The following PDE11A variants were observed in gnomAD, a reference collection of about 807,000 sequenced individuals.
PDE11A encodes phosphodiesterase 11A, also known as dual 3',5'-cyclic-AMP and -GMP phosphodiesterase 11A.
A neutral mutation model predicts 100.5 loss-of-function variants in PDE11A; 100 were observed. That is an observed-to-expected ratio of 1.00 (90% confidence interval 0.85 to 1.18). The LOEUF is 1.18. Ranked by LOEUF, PDE11A falls within the 50% of genes most tolerant of loss-of-function variation. The pLI is 0.00. For missense variants in PDE11A, 1,141 were observed against 1,152.6 expected, an observed-to-expected ratio of 0.99 and a Z score of 0.15; for synonymous variants, 381 against 420.8, an observed-to-expected ratio of 0.91 and a Z score of 1.16.
intron 4 of PDE11A, among the ~76,000 whole-genome samples, chr2:177,889,179 A>G (rs2084488711): frequency 6.6e-6 from 1 of 152,190 alleles, no homozygotes; most frequent in Non-Finnish European, 1.5e-5. Context: ...TTTTGGATTT[A>G]AAATTATAGG....
At chr2:177,765,134 TC>T (rs2082220504) in intron 10 of PDE11A, among the ~76,000 whole-genome samples, 1 of 152,162 alleles carries the variant, frequency 6.6e-6, no homozygotes, top group Admixed American at 6.5e-5. Flanking sequence ...AGGAAATTTT[TC>T]CCAACAGAAG....
chr2:178,059,912 A>G (rs2086946182), intron 1 of PDE11A, among the ~76,000 whole-genome samples: 1 of 152,098 alleles, frequency 6.6e-6, no homozygotes, highest in Admixed American at 6.5e-5. Context: ...GCTGGGGCCC[A>G]CTCTGGGTCA....
intron 1 of PDE11A, among the ~76,000 whole-genome samples, chr2:178,021,515 A>T (rs1320125163): frequency 6.6e-6 from 1 of 152,214 alleles, no homozygotes; most frequent in Non-Finnish European, 1.5e-5. Flanking sequence ...AATGAATTAT[A>T]GTAGATGAAG....
At chr2:177,934,772 G>GAT (rs1390215245) in intron 2 of PDE11A, among the ~76,000 whole-genome samples, 1 of 152,202 alleles carries the variant, frequency 6.6e-6, no homozygotes, top group Non-Finnish European at 1.5e-5. Flanking sequence ...AAGAAAATGT[G>GAT]ATATATATAC....
intron 2 of PDE11A, among the ~76,000 whole-genome samples, chr2:177,913,432 A>G (rs980150571): frequency 1.3e-5 from 2 of 152,182 alleles, no homozygotes; most frequent in African/African-American, 4.8e-5. Flanking sequence ...ATCCTTAACA[A>G]TATAAACACA....
chr2:177,701,595 T>C (rs995925624), intron 13 of PDE11A, among the ~76,000 whole-genome samples: 1 of 152,178 alleles, frequency 6.6e-6, no homozygotes, highest in African/African-American at 2.4e-5. Flanking sequence ...ATCGAAGTGC[T>C]ATGGACGTTC....
At chr2:177,990,054 G>A (rs115635192) in intron 2 of PDE11A, among the ~76,000 whole-genome samples, 1,850 of 152,214 alleles carry the variant, frequency 0.012, 30 homozygotes, top group African/African-American at 0.042. Flanking sequence ...ACTCACTACA[G>A]TTTCAGCTTC....
At chr2:177,822,421 T>C (rs887890800) in intron 6 of PDE11A, among the ~76,000 whole-genome samples, 1 of 152,042 alleles carries the variant, frequency 6.6e-6, no homozygotes, top group Non-Finnish European at 1.5e-5. Flanking sequence ...GATCTGTTTC[T>C]GGACTCTCTA....
rs767064669 is a variant in PDE11A at position 178,071,567 on chromosome 2, C to T, written c.871G>A (p.Gly291Arg). The T allele has an allele frequency of 1.1e-5, 18 of 1,612,986 alleles. No homozygotes were observed. The highest frequency in any genetic ancestry group is 1.4e-5 in the Non-Finnish European group (17 of 1,179,102). Reference sequence around the variant, plus strand: ...ATGTTGACCGTTTCTCCATGCTCCCCGACATAGCCAATGATACCTTTGCCC... The same window carrying T: ...ATGTTGACCGTTTCTCCATGCTCCCTGACATAGCCAATGATACCTTTGCCC... ...PWGKGIIGYVGEHGETVNIPD... is the reference protein window; with the variant it reads ...PWGKGIIGYVREHGETVNIPD... Residue 291 changes from glycine (G) to arginine (R), a missense_variant, in exon 1 of 20, where the codon GGG becomes AGG. Gly to Arg is a moderately radical substitution (Grantham distance 125). Coordinates refer to ENST00000286063, the MANE Select transcript of PDE11A (RefSeq NM_016953.4).
At chr2:177,821,586 G>A (rs980735142) in intron 6 of PDE11A, among the ~76,000 whole-genome samples, 11 of 151,786 alleles carry the variant, frequency 7.2e-5, no homozygotes, top group African/African-American at 2.7e-4. Flanking sequence ...CTAACCAGAA[G>A]TGTATGAGAG....
At chr2:177,841,598 A>C (rs1453077379) in intron 5 of PDE11A, among the ~76,000 whole-genome samples, 1 of 152,248 alleles carries the variant, frequency 6.6e-6, no homozygotes, top group Non-Finnish European at 1.5e-5. Flanking sequence ...CATTGGATGC[A>C]TGAGTGAGTG....
At chr2:177,707,246 G>A (rs1277409022) in intron 13 of PDE11A, among the ~76,000 whole-genome samples, 3 of 152,178 alleles carry the variant, frequency 2.0e-5, no homozygotes, top group South Asian at 4.1e-4. Flanking sequence ...ACTCTAAAGA[G>A]TTGATGTTGG....
chr2:177,832,568 T>TCTAC (rs2083329340), intron 6 of PDE11A, among the ~76,000 whole-genome samples: 1 of 151,740 alleles, frequency 6.6e-6, no homozygotes, highest in Non-Finnish European at 1.5e-5. Context: ...TATCTATCTA[T>TCTAC]CTATCTATCT....
rs746727471 is a variant in PDE11A, at chr2:177,629,483, T to C, written c.2726A>G (p.His909Arg). 6.2e-7 allele frequency: 1 copy of C among 1,613,646 alleles called. No individual in the cohort carries two copies. The highest frequency in any genetic ancestry group is 1.1e-5 in the South Asian group (1 of 91,068). ...ATNRSKWEELHQKRLLASTAS... is the reference protein window; with the variant it reads ...ATNRSKWEELRQKRLLASTAS... ...AGTTGAGGCCAGCAGTCGTTTTTGG[T>C]GTAGCTCTTCCCACTTACTTCTGTT... Residue 909 changes from histidine to arginine, a missense_variant, in exon 20 of 20, where the codon CAC (histidine) becomes CGC (arginine). Transcript: ENST00000286063.
At chr2:178,035,383 A>G (rs1342973147) in intron 1 of PDE11A, among the ~76,000 whole-genome samples, 1 of 152,230 alleles carries the variant, frequency 6.6e-6, no homozygotes, top group Non-Finnish European at 1.5e-5. Context: ...GGCAGTAATT[A>G]AGAGCCTACC....
chr2:177,986,994 G>T (rs1483275443), intron 2 of PDE11A, among the ~76,000 whole-genome samples: 8 of 152,140 alleles, frequency 5.3e-5, no homozygotes, highest in Admixed American at 4.6e-4. Context: ...TTAGTGTCCA[G>T]TATTTCTCAG....
At position 178,071,550 on chromosome 2, in the gene PDE11A, C is replaced by G. The variant is rs770862816; in HGVS notation, c.888G>C (p.Thr296=). The change falls in exon 1 of 20, where the codon ACG becomes ACC. Residue 296 remains threonine (T), a synonymous_variant. Coordinates refer to ENST00000286063, the MANE Select transcript of PDE11A (RefSeq NM_016953.4). ...CCTGGTAGGCATCAGGAATGTTGAC[C>G]GTTTCTCCATGCTCCCCGACATAGC... ...IIGYVGEHGE[T]VNIPDAYQDR... 6.2e-7 allele frequency: 1 copy of G among 1,612,744 alleles called. No homozygotes were observed. The highest frequency in any genetic ancestry group is 1.3e-5 in the African/African-American group (1 of 74,888).
chr2:178,093,795 C>T (rs370964766), intron 2 of PDE11A, among the ~76,000 whole-genome samples: 3 of 152,246 alleles, frequency 2.0e-5, no homozygotes, highest in South Asian at 2.1e-4. Context: ...AGTTTTACAC[C>T]ATGGAGGACC....
At chr2:177,675,261 A>AT (rs1489803021) in intron 17 of PDE11A, among the ~76,000 whole-genome samples, 194 bp downstream of exon 17, 14 of 80,102 alleles carry the variant, frequency 1.7e-4, no homozygotes, top group East Asian at 4.7e-4. Flanking sequence ...TGAAAGCACG[A>AT]TAAAAAAAAA....
Sources: allele counts gnomAD v4.1 joint callset (sites outside exome capture counted in the v4.1 genomes callset), GRCh38; gene constraint gnomAD v4.1.1; transcripts MANE v1.5; gene names NCBI Gene and HGNC (gene_info 2026-07-23, HGNC 2026-07-21).